SIK3: variants seen among roughly 807,000 people sequenced by gnomAD.
The protein encoded by SIK3 is serine/threonine-protein kinase SIK3.
SIK3 carries 28 observed loss-of-function variants against 144.2 expected under a neutral mutation model. That is an observed-to-expected ratio of 0.19 (90% confidence interval 0.14 to 0.27). SIK3 has a LOEUF of 0.27. Ranked by LOEUF, SIK3 falls within the 10% of genes least tolerant of loss-of-function variation. The pLI, the probability that SIK3 is intolerant of heterozygous loss-of-function variation, is 1.00. For missense variants in SIK3, 1,319 were observed against 1,776.0 expected (o/e 0.74, Z 4.62); for synonymous variants, 686 against 676.3 (o/e 1.01, Z -0.22).
chr11:116,954,523 G>A (rs1949068427), intron 2 of SIK3, among the ~76,000 whole-genome samples: 1 of 150,920 alleles, frequency 6.6e-6, no homozygotes, highest in Admixed American at 6.6e-5. Flanking sequence ...GGAAAATAAT[G>A]GGAGTCACAT....
chr11:116,970,972 A>G (rs958848746), intron 1 of SIK3, among the ~76,000 whole-genome samples: 5 of 152,216 alleles, frequency 3.3e-5, no homozygotes, highest in Non-Finnish European at 5.9e-5. Flanking sequence ...TTACAGTGCT[A>G]TATAATGTAG....
chr11:116,941,924 C>G (rs1248645055), intron 3 of SIK3, among the ~76,000 whole-genome samples: 1 of 152,114 alleles, frequency 6.6e-6, no homozygotes, highest in Non-Finnish European at 1.5e-5. Context: ...CTGTTTGTAA[C>G]ATTAAATAAA....
At chr11:116,883,177 T>C (rs1944633641) in intron 6 of SIK3, among the ~76,000 whole-genome samples, 1 of 152,214 alleles carries the variant, frequency 6.6e-6, no homozygotes, top group Admixed American at 6.5e-5. Context: ...CCACATGGCT[T>C]TGATAAGAGT....
intron 1 of SIK3, among the ~76,000 whole-genome samples, chr11:116,965,742 T>TAC (rs1355650876): frequency 0.016 from 65 of 4,126 alleles, no homozygotes; most frequent in African/African-American, 0.033. Flanking sequence ...AAAATATATA[T>TAC]ATATATATAT....
intron 1 of SIK3, among the ~76,000 whole-genome samples, chr11:117,054,846 G>C (rs986892671): frequency 6.6e-6 from 1 of 152,160 alleles, no homozygotes; most frequent in Admixed American, 6.5e-5. Flanking sequence ...GGTTGCATAT[G>C]AAGGATAAGG....
rs1319000610 is a variant in SIK3, at chr11:116,967,013, AAG to A, written c.274-9951_274-9950del. ...AGCAAGACTCTGTTTCAAAAAAAAA[AAG>A]AAAAAGAAAAAGAAAAAGAAAAGAA... On this transcript the variant is annotated intron_variant, in intron 1 of 24. Coordinates refer to ENST00000445177, the MANE Select transcript of SIK3 (RefSeq NM_001366686.3). Among the ~76,000 whole-genome samples the A allele has an allele frequency of 7.7e-3, 1,097 of 142,222 alleles. 31 individuals are homozygous for A. Among genetic ancestry groups the A allele is most frequent in the African/African-American group, 0.024 (890 of 37,530 alleles). 93.3% of individuals were successfully genotyped at this position (142,222 alleles called of 152,430 possible). A position where few individuals can be genotyped will look rare whatever the true frequency, so the allele number is the denominator to read the frequency against.
At position 116,873,580 on chromosome 11, in the gene SIK3, A is replaced by C. The variant is rs1944078069; in HGVS notation, c.1638T>G (p.Leu546=). 1 of 1,606,604 alleles carries C rather than the reference A, an allele frequency of 6.2e-7. No individual in the cohort carries two copies. The highest frequency in any genetic ancestry group is 1.3e-5 in the African/African-American group (1 of 74,522). ...CTCCTCCATCTGATGCCCTCCGGCC[A>C]AGGGGGCCCATTCCATTCAACAGCT... ...TLQLLNGMGP[L]GRRASDGGAN... The change falls in exon 13 of 25, where the codon CTT becomes CTG. Residue 546 remains leucine (L), a synonymous_variant. Transcript: ENST00000445177.
At chr11:116,941,298 G>A (rs1199555921) in intron 3 of SIK3, among the ~76,000 whole-genome samples, 2 of 151,942 alleles carry the variant, frequency 1.3e-5, no homozygotes, top group Admixed American at 6.6e-5. Flanking sequence ...GAGCCACCGC[G>A]CCTGGCCGAA....
chr11:117,063,970 A>AG (rs1421937181), intron 1 of SIK3, among the ~76,000 whole-genome samples: 1 of 152,168 alleles, frequency 6.6e-6, no homozygotes, highest in African/African-American at 2.4e-5. Flanking sequence ...ATATTCAGTC[A>AG]GAAAAAAAAA....
chr11:117,062,385 C>A (rs929121837), intron 1 of SIK3, among the ~76,000 whole-genome samples: 2 of 152,076 alleles, frequency 1.3e-5, no homozygotes, highest in African/African-American at 4.8e-5. Context: ...CAAATTTTGT[C>A]CTCCCCAAAT....
intron 1 of SIK3, among the ~76,000 whole-genome samples, chr11:117,068,126 C>T (rs777980727): frequency 6.6e-6 from 1 of 152,050 alleles, no homozygotes; most frequent in South Asian, 2.1e-4. Flanking sequence ...TATGCAAAAG[C>T]CTGCAACTAA....
intron 23 of SIK3, 88 bp downstream of exon 23, chr11:116,847,388 T>C: frequency 1.3e-6 from 2 of 1,572,374 alleles, no homozygotes; most frequent in Non-Finnish European, 1.7e-6. Flanking sequence ...CCATGAGCTC[T>C]TCCTACGAAG....
At chr11:116,948,976 T>C (rs186467017) in intron 3 of SIK3, among the ~76,000 whole-genome samples, 4 of 152,184 alleles carry the variant, frequency 2.6e-5, no homozygotes, top group East Asian at 3.9e-4. Flanking sequence ...TTCACAAATA[T>C]GTGAAAATTA....
At chr11:116,895,674 G>A (rs11216178) in intron 6 of SIK3, among the ~76,000 whole-genome samples, 4 of 151,924 alleles carry the variant, frequency 2.6e-5, no homozygotes, top group Non-Finnish European at 5.9e-5. Flanking sequence ...ATCTATTTTC[G>A]GTGTTAAATT....
chr11:116,985,717 G>C (rs1406242626), intron 1 of SIK3, among the ~76,000 whole-genome samples: 4 of 151,952 alleles, frequency 2.6e-5, no homozygotes, highest in African/African-American at 9.7e-5. Flanking sequence ...ATTTATTTAG[G>C]GCAATAATGA....
intron 1 of SIK3, among the ~76,000 whole-genome samples, chr11:117,086,366 T>G (rs1174961949): frequency 1.3e-5 from 2 of 152,222 alleles, no homozygotes; most frequent in Non-Finnish European, 2.9e-5. Flanking sequence ...TCTGAAATTC[T>G]CACGCTGGTT....
At chr11:116,967,500 T>C (rs577806469) in intron 1 of SIK3, among the ~76,000 whole-genome samples, 1 of 152,326 alleles carries the variant, frequency 6.6e-6, no homozygotes, top group South Asian at 2.1e-4. Context: ...CCTCAAGGAC[T>C]AATAACACAG....
chr11:116,936,274 G>C lies in SIK3; in HGVS notation c.455-8894C>G, dbSNP rs1591367291. On this transcript the variant is annotated intron_variant, in intron 3 of 24. Transcript: ENST00000445177. ...GGCTCATCACAACCTCTGCCTCCCAGGTTCAAGTGATTCTCCTATCTCAGC... is the reference window on the plus strand; with the variant it reads ...GGCTCATCACAACCTCTGCCTCCCACGTTCAAGTGATTCTCCTATCTCAGC... Among the ~76,000 whole-genome samples the C allele has an allele frequency of 2.0e-5, 3 of 152,232 alleles. 1 individual carries two copies. The highest frequency in any genetic ancestry group is 2.0e-4 in the Admixed American group (3 of 15,290).
Position 117,013,905 on chromosome 11 carries a change from G to GTGTGTGTGTGT in SIK3, c.274-56842_274-56841insACACACACACA, listed in dbSNP as rs1555127056. Among the ~76,000 whole-genome samples, 140 of 47,314 alleles carry GTGTGTGTGTGT rather than the reference G, an allele frequency of 3.0e-3. 8 individuals are homozygous for GTGTGTGTGTGT. The highest frequency in any genetic ancestry group is 6.1e-3 in the African/African-American group (91 of 14,982). 31.0% of individuals were successfully genotyped at this position (47,314 alleles called of 152,430 possible). A position where few individuals can be genotyped will look rare whatever the true frequency, so the allele number is the denominator to read the frequency against. ...TATAAGTCTCCAGATTCTGAGGGGG[G>GTGTGTGTGTGT]GGGGGGGAGGGTGTGTGTGTGTGTG... On this transcript the variant is annotated intron_variant, in intron 1 of 24. Coordinates refer to ENST00000445177, the MANE Select transcript of SIK3 (RefSeq NM_001366686.3).
Sources: allele counts gnomAD v4.1 joint callset (sites outside exome capture counted in the v4.1 genomes callset), GRCh38; gene constraint gnomAD v4.1.1; transcripts MANE v1.5; gene names NCBI Gene and HGNC (gene_info 2026-07-23, HGNC 2026-07-21).